The following RPS6KC1 variants were observed in gnomAD, a reference collection of about 807,000 sequenced individuals.
The protein encoded by RPS6KC1 is ribosomal protein S6 kinase C1.
RPS6KC1 carries 54 observed loss-of-function variants against 103.8 expected under a neutral mutation model. That is an observed-to-expected ratio of 0.52 (90% CI 0.42 to 0.65). The LOEUF (loss-of-function observed/expected upper bound fraction) is 0.65. RPS6KC1 is among the 30% of genes least tolerant of loss of function. The pLI is 0.00. For synonymous variants in RPS6KC1, 439 were observed against 438.7 expected, an observed-to-expected ratio of 1.00 and a Z score of -0.01; for missense variants, 1,151 against 1,253.8, an observed-to-expected ratio of 0.92 and a Z score of 1.24.
chr1:213,310,696 C>G, the RPS6KC1 span, among the ~76,000 whole-genome samples: 8 of 152,230 alleles, frequency 5.3e-5, no homozygotes, highest in South Asian at 4.1e-4. Flanking sequence ...ACTGTTTGAA[C>G]ACGAACGTAG....
At chr1:213,753,489 C>A in the RPS6KC1 span, among the ~76,000 whole-genome samples, 1 of 152,154 alleles carries the variant, frequency 6.6e-6, no homozygotes, top group Non-Finnish European at 1.5e-5. Flanking sequence ...TTCCTGGGGC[C>A]CTACTAGATT....
intron 8 of RPS6KC1, among the ~76,000 whole-genome samples, chr1:213,222,175 AT>A (rs2093850722): frequency 4.6e-5 from 7 of 152,016 alleles, no homozygotes; most frequent in Non-Finnish European, 1.0e-4. Flanking sequence ...ACCTTTTTGG[AT>A]TATTTGTTCA....
chr1:213,475,840 C>G, the RPS6KC1 span, among the ~76,000 whole-genome samples: 1 of 152,176 alleles, frequency 6.6e-6, no homozygotes, highest in African/African-American at 2.4e-5. Context: ...CTTGCTTTTA[C>G]CCTTTTGCTA....
chr1:213,177,956 C>T (rs1246835544), intron 8 of RPS6KC1, among the ~76,000 whole-genome samples: 2 of 151,942 alleles, frequency 1.3e-5, no homozygotes, highest in African/African-American at 4.8e-5. Flanking sequence ...GTAATCCCAG[C>T]ACTTTGGGAG....
At chr1:213,182,257 T>G (rs922507691) in intron 8 of RPS6KC1, among the ~76,000 whole-genome samples, 1 of 152,112 alleles carries the variant, frequency 6.6e-6, no homozygotes, top group African/African-American at 2.4e-5. Context: ...TTTGGGAAAC[T>G]GAGGTGGGTG....
chr1:213,247,344 A>G (rs2094470057), intron 12 of RPS6KC1, among the ~76,000 whole-genome samples: 1 of 152,214 alleles, frequency 6.6e-6, no homozygotes, highest in Non-Finnish European at 1.5e-5. Flanking sequence ...GTTTTAGAGC[A>G]TGACATTTAT....
chr1:213,321,545 G>C, the RPS6KC1 span, among the ~76,000 whole-genome samples: 3 of 151,500 alleles, frequency 2.0e-5, no homozygotes, highest in East Asian at 5.8e-4. Flanking sequence ...GTAGGGAAAG[G>C]CTGGCAGAGA....
the RPS6KC1 span, among the ~76,000 whole-genome samples, chr1:213,741,696 T>A: frequency 6.6e-6 from 1 of 152,122 alleles, no homozygotes; most frequent in Admixed American, 6.6e-5. Context: ...ACTTTTAGAA[T>A]CAGCATATTT....
chr1:213,101,518 AG>A (rs2082018762), intron 3 of RPS6KC1, among the ~76,000 whole-genome samples: 1 of 152,188 alleles, frequency 6.6e-6, no homozygotes, highest in South Asian at 2.1e-4. Context: ...CCATTGCTTA[AG>A]TGTTTTACTT....
intron 8 of RPS6KC1, among the ~76,000 whole-genome samples, chr1:213,196,913 T>C (rs1257257382): frequency 6.6e-6 from 1 of 152,210 alleles, no homozygotes; most frequent in Non-Finnish European, 1.5e-5. Flanking sequence ...CTCGGCTCAC[T>C]GCAACCTCCG....
intron 4 of RPS6KC1, among the ~76,000 whole-genome samples, chr1:213,114,630 G>C (rs1207354118): frequency 1.3e-5 from 2 of 150,966 alleles, no homozygotes; most frequent in African/African-American, 4.9e-5. Flanking sequence ...TCCCTGTCTT[G>C]TGCCAGTTTT....
At chr1:213,151,704 G>A (rs1468063886) in intron 6 of RPS6KC1, among the ~76,000 whole-genome samples, 2 of 118,310 alleles carry the variant, frequency 1.7e-5, no homozygotes, top group African/African-American at 3.6e-5. Flanking sequence ...CCTCCCGGAC[G>A]GGGCGGCTGG....
At chr1:213,776,748 C>A in the RPS6KC1 span, among the ~76,000 whole-genome samples, 2 of 152,188 alleles carry the variant, frequency 1.3e-5, no homozygotes, top group Non-Finnish European at 2.9e-5. Flanking sequence ...CTTCTCCTCT[C>A]TAGCTATGAA....
chr1:213,074,754 T>C (rs28427005), intron 2 of RPS6KC1, among the ~76,000 whole-genome samples: 2 of 151,846 alleles, frequency 1.3e-5, no homozygotes, highest in Admixed American at 6.6e-5. Flanking sequence ...TCATATACCA[T>C]GGTATTTTAA....
the RPS6KC1 span, among the ~76,000 whole-genome samples, chr1:213,697,244 T>C: frequency 6.6e-6 from 1 of 152,164 alleles, no homozygotes; most frequent in South Asian, 2.1e-4. Context: ...CTGTAAGCTA[T>C]ATAATGAAGA....
At chr1:213,364,984 T>C in the RPS6KC1 span, among the ~76,000 whole-genome samples, 1 of 151,882 alleles carries the variant, frequency 6.6e-6, no homozygotes, top group Admixed American at 6.6e-5. Flanking sequence ...AAAATAAAAA[T>C]CTCAGGGTTG....
chr1:213,659,637 GTT>G, the RPS6KC1 span, among the ~76,000 whole-genome samples: 4 of 142,696 alleles, frequency 2.8e-5, no homozygotes, highest in Non-Finnish European at 1.5e-5. Flanking sequence ...TGTATTCAGG[GTT>G]TTTTTTTTTT....
In RPS6KC1 at chr1:213,242,123, C is replaced by T. The variant is rs2148949435; in HGVS notation, c.2647C>T (p.His883Tyr). 1 of 1,613,724 alleles carries T rather than the reference C, an allele frequency of 6.2e-7. No homozygotes were observed. The highest frequency in any genetic ancestry group is 2.2e-5 in the East Asian group (1 of 44,856). The change falls in exon 11 of 15, where the codon CAT becomes TAT. Residue 883 changes from histidine to tyrosine, a missense_variant. Transcript: ENST00000366960. The stretch of plus-strand genomic sequence containing the variant: ...AGTGCTAGAAGGAGACAAGGAAATA[C>T]ATCAGATTTTTGAGGACCTTGATAA... ...GLVLEGDKEI[H>Y]QIFEDLDKKL...
At chr1:213,082,734 G>A (rs1394700271) in intron 3 of RPS6KC1, among the ~76,000 whole-genome samples, 1 of 152,056 alleles carries the variant, frequency 6.6e-6, no homozygotes, top group Non-Finnish European at 1.5e-5. Context: ...ACTAAAGGAA[G>A]GATTGTTAAA....
Sources: gnomAD v4.1 joint callset for allele counts (sites outside exome capture counted in the v4.1 genomes callset) on GRCh38, gnomAD v4.1.1 for gene constraint, MANE v1.5 for transcripts, NCBI Gene and HGNC (gene_info 2026-07-23, HGNC 2026-07-21) for gene names.